The following VDAC1 variants were observed in gnomAD, a reference collection of about 807,000 sequenced individuals.
The protein encoded by VDAC1 is voltage dependent anion channel 1.
VDAC1 carries 10 observed loss-of-function variants against 34.7 expected under a neutral mutation model. The ratio of observed to expected loss-of-function variants is 0.29; its 90% CI spans 0.18 to 0.49. The LOEUF (loss-of-function observed/expected upper bound fraction) is 0.49, where lower values mean the gene tolerates loss of function less well. Ranked by LOEUF, VDAC1 falls within the 20% of genes least tolerant of loss-of-function variation. The probability of loss-of-function intolerance (pLI) is 0.99; values close to 1 mark genes in which losing one functional copy is unlikely to be tolerated. For synonymous variants in VDAC1, 130 were observed against 136.0 expected (o/e 0.96, Z 0.30); for missense variants, 230 against 347.9 (o/e 0.66, Z 2.69).
chr5:133,979,038 C>T (rs1465306036), intron 6 of VDAC1, among the ~76,000 whole-genome samples: 1 of 152,110 alleles, frequency 6.6e-6, no homozygotes, highest in Non-Finnish European at 1.5e-5. Context: ...AATAAATACA[C>T]AGGTGGAACT....
At chr5:134,110,650 C>T in the VDAC1 span, among the ~76,000 whole-genome samples, 10 of 152,252 alleles carry the variant, frequency 6.6e-5, no homozygotes, top group African/African-American at 2.4e-4. Context: ...CCCAGCCTCC[C>T]GGCGGCTTTG....
upstream of VDAC1, among the ~76,000 whole-genome samples, chr5:134,006,320 C>T (rs1007717916): frequency 2.6e-5 from 4 of 152,094 alleles, no homozygotes; most frequent in Non-Finnish European, 4.4e-5. Flanking sequence ...GGAGGCCGGG[C>T]GGGACAAGGC....
At chr5:134,047,062 C>G in the VDAC1 span, among the ~76,000 whole-genome samples, 1 of 152,152 alleles carries the variant, frequency 6.6e-6, no homozygotes, top group African/African-American at 2.4e-5. Flanking sequence ...TATACTCGGA[C>G]TATCAGGGCT....
the VDAC1 span, among the ~76,000 whole-genome samples, chr5:134,057,493 T>TTATATC: frequency 0.27 from 36,589 of 134,274 alleles, 5,184 homozygotes; most frequent in South Asian, 0.31. Flanking sequence ...AAAAAAAAAT[T>TTATATC]TATATCTATA....
chr5:134,076,483 A>C, the VDAC1 span, among the ~76,000 whole-genome samples: 2 of 152,176 alleles, frequency 1.3e-5, no homozygotes, highest in African/African-American at 4.8e-5. Context: ...CTGCCCTCCC[A>C]GACCCTGAGT....
chr5:134,015,462 C>G, the VDAC1 span, among the ~76,000 whole-genome samples: 13 of 152,306 alleles, frequency 8.5e-5, no homozygotes, highest in African/African-American at 3.1e-4. Flanking sequence ...TCTTAAACTT[C>G]CAGCCTCCAG....
chr5:134,095,711 A>G, the VDAC1 span, among the ~76,000 whole-genome samples: 1 of 152,008 alleles, frequency 6.6e-6, no homozygotes. Flanking sequence ...GGACTCTAGG[A>G]CTGCACTGCC....
the VDAC1 span, among the ~76,000 whole-genome samples, chr5:134,017,472 A>G: frequency 1.2e-3 from 183 of 152,116 alleles, no homozygotes; most frequent in Admixed American, 4.9e-3. Context: ...AAAGCATTTC[A>G]TCATTGGTTT....
intron 6 of VDAC1, among the ~76,000 whole-genome samples, chr5:133,979,922 T>C (rs1237055839): frequency 6.6e-6 from 1 of 152,230 alleles, no homozygotes; most frequent in African/African-American, 2.4e-5. Flanking sequence ...TGTGACTTTT[T>C]AGCTGTAACA....
chr5:134,074,716 C>T, the VDAC1 span, among the ~76,000 whole-genome samples: 1 of 152,084 alleles, frequency 6.6e-6, no homozygotes, highest in South Asian at 2.1e-4. Context: ...GCTTCCCTTT[C>T]CCAATAGCAC....
the VDAC1 span, among the ~76,000 whole-genome samples, chr5:134,102,259 T>C: frequency 2.0e-5 from 3 of 151,740 alleles, no homozygotes; most frequent in Admixed American, 1.3e-4. Flanking sequence ...GGCCACAGGG[T>C]CATCCGGGGC....
chr5:134,096,759 A>G, the VDAC1 span, among the ~76,000 whole-genome samples: 1 of 151,874 alleles, frequency 6.6e-6, no homozygotes, highest in Non-Finnish European at 1.5e-5. Context: ...ACACCTGGCT[A>G]ATTTTTGTAT....
chr5:134,104,528 C>A, the VDAC1 span, among the ~76,000 whole-genome samples: 2 of 152,224 alleles, frequency 1.3e-5, no homozygotes, highest in Non-Finnish European at 2.9e-5. Context: ...GCTAGGTCCA[C>A]CCTGGGGGCC....
chr5:133,996,393 G>C (rs1753309163), intron 1 of VDAC1, among the ~76,000 whole-genome samples: 1 of 152,268 alleles, frequency 6.6e-6, no homozygotes, highest in African/African-American at 2.4e-5. Flanking sequence ...TCCAGCTGAG[G>C]AATGAAAATC....
At chr5:134,060,352 C>A in the VDAC1 span, among the ~76,000 whole-genome samples, 5 of 151,954 alleles carry the variant, frequency 3.3e-5, no homozygotes, top group African/African-American at 1.2e-4. Context: ...CAGTGCCTGG[C>A]ACCAGGAAGG....
the VDAC1 span, among the ~76,000 whole-genome samples, chr5:134,012,381 C>A: frequency 6.6e-6 from 1 of 152,146 alleles, no homozygotes; most frequent in African/African-American, 2.4e-5. Flanking sequence ...TAATATACAA[C>A]CTCTAAAAGA....
the VDAC1 span, among the ~76,000 whole-genome samples, chr5:134,026,190 C>T: frequency 1.3e-5 from 2 of 152,152 alleles, no homozygotes; most frequent in Non-Finnish European, 1.5e-5. Flanking sequence ...GGGAAATAAA[C>T]AAAGTTGGCC....
At chr5:134,002,316 C>T (rs1434160451) in intron 1 of VDAC1, among the ~76,000 whole-genome samples, 1 of 152,186 alleles carries the variant, frequency 6.6e-6, no homozygotes, top group Non-Finnish European at 1.5e-5. Context: ...TAGCCCCACT[C>T]TAGAATAGCA....
At chr5:134,021,759 G>A in the VDAC1 span, among the ~76,000 whole-genome samples, 1 of 152,180 alleles carries the variant, frequency 6.6e-6, no homozygotes, top group Non-Finnish European at 1.5e-5. Flanking sequence ...CAGGTGGGGG[G>A]GCCTAGCCCC....
Sources: allele counts gnomAD v4.1 joint callset (sites outside exome capture counted in the v4.1 genomes callset), GRCh38; gene constraint gnomAD v4.1.1; transcripts MANE v1.5; gene names NCBI Gene and HGNC (gene_info 2026-07-23, HGNC 2026-07-21).